PPFIA2: variants seen among roughly 807,000 people sequenced by gnomAD.
PPFIA2 encodes liprin-alpha-2.
A neutral mutation model predicts 175.5 loss-of-function variants in PPFIA2; 46 were observed. The ratio of observed to expected loss-of-function variants is 0.26; its 90% CI spans 0.21 to 0.34. PPFIA2 has a LOEUF of 0.34. PPFIA2 is among the 10% of genes least tolerant of loss of function. PPFIA2 has a pLI of 1.00. For synonymous variants in PPFIA2, 568 were observed against 511.4 expected (o/e 1.11, Z -1.49); for missense variants, 1,179 against 1,506.1 (o/e 0.78, Z 3.60).
At chr12:81,279,732 A>G (rs1031215964) in intron 27 of PPFIA2, among the ~76,000 whole-genome samples, 6 of 152,166 alleles carry the variant, frequency 3.9e-5, no homozygotes, top group Non-Finnish European at 7.3e-5. Flanking sequence ...CAGTATTAAA[A>G]GTCAATCTAG....
chr12:81,512,500 T>C (rs1220024823), intron 4 of PPFIA2: 1 of 341,720 alleles, frequency 2.9e-6, no homozygotes, highest in Non-Finnish European at 4.9e-6. Context: ...AAAATAATTT[T>C]AGCTTTTCTC....
chr12:81,403,538 C>T (rs952593053), intron 8 of PPFIA2, among the ~76,000 whole-genome samples: 4 of 152,110 alleles, frequency 2.6e-5, no homozygotes, highest in African/African-American at 9.7e-5. Flanking sequence ...TGGTTGCTGC[C>T]AGTGCCAGGG....
Position 81,699,253 on chromosome 12 carries a change from T to C in PPFIA2, c.250-22409A>G, listed in dbSNP as rs139823858. Among the ~76,000 whole-genome samples the C allele has an allele frequency of 4.6e-5, 7 of 152,162 alleles. No homozygotes were observed. In the East Asian group the frequency reaches 1.4e-3, roughly 29 times the overall value. On this transcript the variant is annotated intron_variant, in intron 3 of 32. Coordinates refer to ENST00000549396, the MANE Select transcript of PPFIA2 (RefSeq NM_003625.5). ...GTGACTTAAAATTGATTTGTTTCTATAGGGGTTTAAAAGTTTGATAGTGTT... is the reference window on the plus strand; with the variant it reads ...GTGACTTAAAATTGATTTGTTTCTACAGGGGTTTAAAAGTTTGATAGTGTT...
chr12:81,369,289 C>A (rs754898398), intron 11 of PPFIA2, 95 bp from the exon 12 acceptor site: 1 of 1,539,390 alleles, frequency 6.5e-7, no homozygotes, highest in East Asian at 2.4e-5. Context: ...CAAGCTACTA[C>A]CAACTGCAAA....
intron 7 of PPFIA2, among the ~76,000 whole-genome samples, chr12:81,419,247 C>G (rs1464794398): frequency 1.3e-5 from 2 of 151,824 alleles, no homozygotes; most frequent in Non-Finnish European, 2.9e-5. Flanking sequence ...GAAATTAAAC[C>G]AGTTGCTCAA....
intron 8 of PPFIA2, among the ~76,000 whole-genome samples, chr12:81,397,984 A>G (rs2041453312): frequency 6.6e-6 from 1 of 151,986 alleles, no homozygotes; most frequent in African/African-American, 2.4e-5. Context: ...AGTTGCAGGA[A>G]AACAAGCTCA....
intron 3 of PPFIA2, among the ~76,000 whole-genome samples, chr12:81,738,341 T>C (rs1297957449): frequency 6.6e-5 from 10 of 151,788 alleles, no homozygotes; most frequent in Admixed American, 4.6e-4. Context: ...TCTGCAGACG[T>C]ACAGTAAAAG....
At chr12:81,559,169 C>A (rs1323076289) in intron 4 of PPFIA2, among the ~76,000 whole-genome samples, 1 of 152,176 alleles carries the variant, frequency 6.6e-6, no homozygotes, top group African/African-American at 2.4e-5. Context: ...TCAAGGTACT[C>A]TAACTGATAG....
At chr12:81,714,649 G>A (rs1355270584) in intron 3 of PPFIA2, among the ~76,000 whole-genome samples, 1 of 150,874 alleles carries the variant, frequency 6.6e-6, no homozygotes, top group Non-Finnish European at 1.5e-5. Context: ...TTTTGAAGCT[G>A]GGAAGATATG....
intron 4 of PPFIA2, among the ~76,000 whole-genome samples, chr12:81,585,675 G>T (rs920729079): frequency 6.6e-6 from 1 of 151,724 alleles, no homozygotes; most frequent in Non-Finnish European, 1.5e-5. Context: ...TATGATAATA[G>T]TGCCTTCTTC....
chr12:81,320,055 T>G (rs1394085255), intron 22 of PPFIA2, among the ~76,000 whole-genome samples: 5 of 151,962 alleles, frequency 3.3e-5, no homozygotes, highest in African/African-American at 7.2e-5. Context: ...CATTTAAAAG[T>G]TTAATTTGGC....
At chr12:81,538,212 G>A (rs147699049) in intron 4 of PPFIA2, among the ~76,000 whole-genome samples, 7 of 151,884 alleles carry the variant, frequency 4.6e-5, no homozygotes, top group Non-Finnish European at 1.0e-4. Context: ...AAATGATAAG[G>A]TATGGTGAAT....
intron 4 of PPFIA2, among the ~76,000 whole-genome samples, chr12:81,527,029 T>A (rs1351888042): frequency 6.6e-6 from 1 of 152,180 alleles, no homozygotes; most frequent in Non-Finnish European, 1.5e-5. Flanking sequence ...CTTCACATAA[T>A]TGTAAAGTGG....
intron 4 of PPFIA2, among the ~76,000 whole-genome samples, chr12:81,575,047 G>A (rs927847711): frequency 2.0e-5 from 3 of 151,768 alleles, no homozygotes; most frequent in Non-Finnish European, 4.4e-5. Context: ...GTAGAGGATG[G>A]TTATATAATC....
intron 4 of PPFIA2, among the ~76,000 whole-genome samples, chr12:81,489,977 C>T (rs1433156431): frequency 6.6e-6 from 1 of 151,970 alleles, no homozygotes; most frequent in East Asian, 1.9e-4. Context: ...TTTTCTATCT[C>T]TTTTTCTTAT....
At chr12:81,274,127 T>C (rs2039896424) in intron 28 of PPFIA2, among the ~76,000 whole-genome samples, 1 of 152,190 alleles carries the variant, frequency 6.6e-6, no homozygotes, top group South Asian at 2.1e-4. Context: ...TGATTCATTC[T>C]AACAACTGGT....
intron 22 of PPFIA2, among the ~76,000 whole-genome samples, chr12:81,310,589 A>T (rs1233368187): frequency 6.6e-6 from 1 of 152,164 alleles, no homozygotes; most frequent in Non-Finnish European, 1.5e-5. Context: ...ATTAAAAATC[A>T]TTAGAAAACA....
chr12:81,457,726 C>A, intron 5 of PPFIA2, 39 bp downstream of exon 5: 1 of 1,326,444 alleles, frequency 7.5e-7, no homozygotes, highest in East Asian at 2.4e-5. Context: ...CATTGAACTA[C>A]AAATAGAATT....
intron 4 of PPFIA2, among the ~76,000 whole-genome samples, chr12:81,551,138 T>C (rs1047975120): frequency 6.6e-6 from 1 of 152,096 alleles, no homozygotes; most frequent in African/African-American, 2.4e-5. Flanking sequence ...GCTCAGAATT[T>C]GGTGTTGCTG....
Sources: gnomAD v4.1 joint callset for allele counts (sites outside exome capture counted in the v4.1 genomes callset) on GRCh38, gnomAD v4.1.1 for gene constraint, MANE v1.5 for transcripts, NCBI Gene and HGNC (gene_info 2026-07-23, HGNC 2026-07-21) for gene names.